CCDC60: variants seen among roughly 807,000 people sequenced by gnomAD.
CCDC60 encodes the protein coiled-coil domain-containing protein 60.
In CCDC60, 54 loss-of-function variants were observed where a neutral mutation model predicts 63.5. That is an observed-to-expected ratio of 0.85 (90% CI 0.68 to 1.07). The LOEUF (loss-of-function observed/expected upper bound fraction) is 1.07. CCDC60 is among the 50% of genes least tolerant of loss of function. The pLI, the probability that CCDC60 is intolerant of heterozygous loss-of-function variation, is 0.00. For synonymous variants in CCDC60, 206 were observed against 238.8 expected, an observed-to-expected ratio of 0.86 and a Z score of 1.27; for missense variants, 651 against 684.3, an observed-to-expected ratio of 0.95 and a Z score of 0.54.
At chr12:119,500,910 A>G (rs1029117322) in intron 6 of CCDC60, among the ~76,000 whole-genome samples, 1 of 152,190 alleles carries the variant, frequency 6.6e-6, no homozygotes, top group African/African-American at 2.4e-5. Context: ...TTTTCTACAA[A>G]CTAGAAGGTG....
chr12:119,370,693 G>GT (rs988737065), intron 1 of CCDC60, among the ~76,000 whole-genome samples: 2 of 152,152 alleles, frequency 1.3e-5, no homozygotes, highest in East Asian at 3.8e-4. Flanking sequence ...CCTGGAACTG[G>GT]TGGGGGCATT....
intron 2 of CCDC60, among the ~76,000 whole-genome samples, chr12:119,433,961 T>C (rs1343199623): frequency 6.6e-6 from 1 of 152,206 alleles, no homozygotes; most frequent in Non-Finnish European, 1.5e-5. Flanking sequence ...GGCTGACTCT[T>C]GAAGTGCGAT....
intron 5 of CCDC60, among the ~76,000 whole-genome samples, chr12:119,489,728 C>A (rs1430988096): frequency 6.6e-6 from 1 of 151,760 alleles, no homozygotes; most frequent in Admixed American, 6.6e-5. Context: ...TAGTTCCCCA[C>A]CCCCCGTGCT....
chr12:119,472,200 T>G, intron 3 of CCDC60, 36 bp downstream of exon 3: 1 of 1,601,044 alleles, frequency 6.2e-7, no homozygotes. Context: ...CTGAAGGTTT[T>G]GGGAATGACC....
chr12:119,485,352 A>T (rs1350112892), intron 4 of CCDC60, among the ~76,000 whole-genome samples: 2 of 152,224 alleles, frequency 1.3e-5, no homozygotes, highest in Non-Finnish European at 2.9e-5. Context: ...AGGAACAGAC[A>T]GGACAACTCC....
intron 1 of CCDC60, among the ~76,000 whole-genome samples, chr12:119,421,967 C>T (rs993904804): frequency 6.6e-6 from 1 of 152,316 alleles, no homozygotes; most frequent in African/African-American, 2.4e-5. Context: ...TCCATGCGTG[C>T]TCCATCCCTC....
intron 1 of CCDC60, among the ~76,000 whole-genome samples, chr12:119,380,391 C>T (rs534869359): frequency 6.6e-6 from 1 of 152,140 alleles, no homozygotes; most frequent in Non-Finnish European, 1.5e-5. Context: ...CTTTCCTTCT[C>T]CCCTGGAGAG....
chr12:119,440,066 G>T (rs1336501047), intron 2 of CCDC60, among the ~76,000 whole-genome samples: 1 of 151,768 alleles, frequency 6.6e-6, no homozygotes, highest in Non-Finnish European at 1.5e-5. Context: ...CTGTCGGGGG[G>T]TGGGGGGCCG....
chr12:119,466,462 A>C (rs999086904), intron 2 of CCDC60, among the ~76,000 whole-genome samples: 2 of 152,192 alleles, frequency 1.3e-5, no homozygotes, highest in African/African-American at 4.8e-5. Flanking sequence ...ACAAATTGGA[A>C]ATTGGGATTA....
At chr12:119,508,067 A>T (rs1952103173) in intron 7 of CCDC60, among the ~76,000 whole-genome samples, 1 of 152,066 alleles carries the variant, frequency 6.6e-6, no homozygotes, top group Admixed American at 6.6e-5. Flanking sequence ...GCTACTTGGG[A>T]GGCTGAGGTC....
chr12:119,510,437 C>A (rs1197778184), intron 7 of CCDC60, among the ~76,000 whole-genome samples: 1 of 152,188 alleles, frequency 6.6e-6, no homozygotes, highest in Non-Finnish European at 1.5e-5. Flanking sequence ...AATGTTCCCT[C>A]CTCTGTGAAG....
intron 9 of CCDC60, 43 bp downstream of exon 9, chr12:119,520,235 C>T (rs1593208987): frequency 3.9e-6 from 6 of 1,547,618 alleles, no homozygotes; most frequent in Non-Finnish European, 5.3e-6. Context: ...CCGAAGGCAG[C>T]CCACACTTAC....
At chr12:119,519,399 A>ATGTGTG (rs1307927261) in intron 8 of CCDC60, among the ~76,000 whole-genome samples, 6 of 99,900 alleles carry the variant, frequency 6.0e-5, no homozygotes, top group Non-Finnish European at 1.2e-4. Context: ...GTAGTGATAT[A>ATGTGTG]TATGTGTGTG....
chr12:119,530,844 C>T (rs1440132189), intron 12 of CCDC60, 30 bp from the exon 13 acceptor site: 2 of 1,593,278 alleles, frequency 1.3e-6, no homozygotes, highest in South Asian at 2.3e-5. Flanking sequence ...CAGCAGCTTC[C>T]TAACTTGTCC....
chr12:119,397,234 G>A (rs550814630), intron 1 of CCDC60, among the ~76,000 whole-genome samples: 10 of 152,214 alleles, frequency 6.6e-5, no homozygotes, highest in South Asian at 4.1e-4. Context: ...TGCCAACAGC[G>A]AAAAAACAAC....
intron 5 of CCDC60, among the ~76,000 whole-genome samples, chr12:119,492,641 G>T (rs1951618419): frequency 6.6e-6 from 1 of 152,130 alleles, no homozygotes; most frequent in Non-Finnish European, 1.5e-5. Flanking sequence ...AGAGCAAAGG[G>T]TTTAGCATCA....
chr12:119,389,560 T>C (rs923560755), intron 1 of CCDC60, among the ~76,000 whole-genome samples: 2 of 151,974 alleles, frequency 1.3e-5, no homozygotes, highest in African/African-American at 4.8e-5. Context: ...CTTGTCCCAC[T>C]CTCCTATGGG....
chr12:119,535,665 G>A (rs367557463), intron 13 of CCDC60, among the ~76,000 whole-genome samples: 11 of 152,164 alleles, frequency 7.2e-5, no homozygotes, highest in Admixed American at 1.3e-4. Context: ...CCTTCATTTC[G>A]TTATGTACCC....
chr12:119,505,323 T>C lies in CCDC60; in HGVS notation c.883+20T>C. 1 of 1,536,682 alleles carries C rather than the reference T, an allele frequency of 6.5e-7. No individual in the cohort carries two copies. Among genetic ancestry groups the C allele is most frequent in the South Asian group, 1.1e-5 (1 of 89,472 alleles). Reference sequence around the variant, plus strand: ...ATATGAGTAAGTCCTACCTGAGATCTGACTCATCTACCCTGACCCTTTGCC... The same window carrying C: ...ATATGAGTAAGTCCTACCTGAGATCCGACTCATCTACCCTGACCCTTTGCC... On this transcript the variant is annotated intron_variant, in intron 7 of 13. Transcript: ENST00000327554.
Sources: gnomAD v4.1 joint callset for allele counts (sites outside exome capture counted in the v4.1 genomes callset) on GRCh38, gnomAD v4.1.1 for gene constraint, MANE v1.5 for transcripts, NCBI Gene and HGNC (gene_info 2026-07-23, HGNC 2026-07-21) for gene names.